Variants in IQANK1 observed in about 807,000 individuals in gnomAD.
IQANK1 encodes the protein IQ motif and ankyrin repeat containing 1.
IQANK1 carries 30 observed loss-of-function variants against 22.6 expected under a neutral mutation model. The observed-to-expected ratio is 1.33, with a 90% CI of 0.99 to 1.80. IQANK1 has a LOEUF of 1.80. Among genes scored for constraint, IQANK1 ranks in the 40% most tolerant of loss-of-function variants. The pLI, the probability that IQANK1 is intolerant of heterozygous loss-of-function variation, is 0.00. For synonymous variants in IQANK1, 122 were observed against 99.6 expected (o/e 1.23, Z -1.34); for missense variants, 275 against 235.2 (o/e 1.17, Z -1.11).
chr8:143,740,003 G>A (rs1554626255), intron 3 of IQANK1, 55 bp downstream of exon 3: 1 of 654,614 alleles, frequency 1.5e-6, no homozygotes, highest in African/African-American at 1.8e-5. Flanking sequence ...CTGTTGGCAG[G>A]GGGGTGCCCT....
At chr8:143,741,003 C>T (rs1488621376) in intron 3 of IQANK1, among the ~76,000 whole-genome samples, 1 of 152,194 alleles carries the variant, frequency 6.6e-6, no homozygotes, top group African/African-American at 2.4e-5. Flanking sequence ...CTCTAGGGAA[C>T]TCTGGGGAGG....
rs7830882 is a variant in IQANK1, at chr8:143,772,183, A to G, written c.603A>G (p.Ala201=). 0.024 allele frequency: 9,320 copies of G among 393,686 alleles called. 582 individuals carry two copies. Among genetic ancestry groups the G allele is most frequent in the African/African-American group, 0.15 (7,403 of 48,392 alleles). The allele number at this position is 393,686 out of a possible 1,614,324, so 24.4% of individuals were successfully genotyped here. The change falls in exon 6 of 14, where the codon GCA becomes GCG. Residue 201 remains alanine, a synonymous_variant. Coordinates refer to ENST00000527139, the MANE Select transcript of IQANK1 (RefSeq NM_001381874.1). ...YGNTPLSEAA[A]GGQPLAIQLR... ...ACACGCCGCTGTCGGAGGCGGCCGC[A>G]GGCGGGCAGCCCCTGGCCATCCAGC...
chr8:143,783,566 A>C (rs376660385), intron 7 of IQANK1, among the ~76,000 whole-genome samples: 1 of 152,094 alleles, frequency 6.6e-6, no homozygotes, highest in East Asian at 1.9e-4. Context: ...ATTTGATGGA[A>C]AATTTTGTTT....
chr8:143,786,759 G>A (rs564712217), intron 7 of IQANK1, among the ~76,000 whole-genome samples: 75 of 152,336 alleles, frequency 4.9e-4, no homozygotes, highest in African/African-American at 1.8e-3. Context: ...AGGTGGCCAA[G>A]GTGGGGTTTG....
intron 1 of IQANK1, among the ~76,000 whole-genome samples, chr8:143,734,779 C>T (rs1162191707): frequency 6.6e-6 from 1 of 152,026 alleles, no homozygotes; most frequent in Non-Finnish European, 1.5e-5. Context: ...AAAACCAAGC[C>T]CCAACGGACA....
rs577698267 is a variant in IQANK1 at position 143,789,985 on chromosome 8, C to A, written c.1210C>A (p.Pro404Thr). ...EQTQEGEEEA[P>T]GLKCQVTELH... ...TACCCCGACAGGGGAGGAAGAGGCGCCTGGGCTGAAGTGCCAGGTCACCGA... is the reference window on the plus strand; with the variant it reads ...TACCCCGACAGGGGAGGAAGAGGCGACTGGGCTGAAGTGCCAGGTCACCGA... Residue 404 changes from proline (P) to threonine (T), a missense_variant, in exon 12 of 14, where the codon CCT (proline) becomes ACT (threonine). Coordinates refer to ENST00000527139, the MANE Select transcript of IQANK1 (RefSeq NM_001381874.1). 3.3e-4 allele frequency: 407 copies of A among 1,232,044 alleles called. 3 individuals carry two copies. The East Asian group carries it at 0.012, about 36-fold the overall frequency. 76.3% of individuals were successfully genotyped at this position (1,232,044 alleles called of 1,614,324 possible).
At chr8:143,786,443 T>C (rs1819891186) in intron 7 of IQANK1, among the ~76,000 whole-genome samples, 1 of 152,244 alleles carries the variant, frequency 6.6e-6, no homozygotes, top group African/African-American at 2.4e-5. Flanking sequence ...TTTACAAATA[T>C]AGACAGAATC....
intron 3 of IQANK1, among the ~76,000 whole-genome samples, chr8:143,749,249 G>A (rs1445087014): frequency 7.7e-5 from 9 of 116,990 alleles, no homozygotes; most frequent in East Asian, 2.4e-4. Flanking sequence ...TATCATATAT[G>A]TTATATATGA....
At chr8:143,787,193 C>T (rs1819906032) in intron 7 of IQANK1, among the ~76,000 whole-genome samples, 1 of 152,094 alleles carries the variant, frequency 6.6e-6, no homozygotes, top group African/African-American at 2.4e-5. Flanking sequence ...GTCTAAATGT[C>T]TAGAAGTATG....
chr8:143,753,535 C>A (rs1052432368), intron 3 of IQANK1, among the ~76,000 whole-genome samples: 3 of 149,604 alleles, frequency 2.0e-5, no homozygotes, highest in Non-Finnish European at 4.4e-5. Context: ...CTCACTGCAA[C>A]CTCTGCCTCC....
chr8:143,775,353 C>CAG (rs1554630260), intron 7 of IQANK1, among the ~76,000 whole-genome samples: 1 of 138,940 alleles, frequency 7.2e-6, no homozygotes, highest in Non-Finnish European at 1.5e-5. Flanking sequence ...CACACACACA[C>CAG]AGACACACAC....
Position 143,790,003 on chromosome 8 carries a change from G to C in IQANK1, c.1228G>C (p.Val410Leu). 8.1e-7 allele frequency: 1 copy of C among 1,232,092 alleles called. No individual in the cohort carries two copies. Among genetic ancestry groups the C allele is most frequent in the Non-Finnish European group, 1.0e-6 (1 of 988,020 alleles). The allele number at this position is 1,232,092 out of a possible 1,614,324, so 76.3% of individuals were successfully genotyped here. The part of the protein sequence containing the change: ...EEEAPGLKCQ[V>L]TELHDVLMKD... Reference sequence around the variant, plus strand: ...AGAGGCGCCTGGGCTGAAGTGCCAGGTCACCGAGCTGCACGATGTGCTGAT... The same window carrying C: ...AGAGGCGCCTGGGCTGAAGTGCCAGCTCACCGAGCTGCACGATGTGCTGAT... The change falls in exon 12 of 14, where the codon GTC becomes CTC. Residue 410 changes from valine (V) to leucine (L), a missense_variant. Coordinates refer to ENST00000527139, the MANE Select transcript of IQANK1 (RefSeq NM_001381874.1).
At chr8:143,743,902 T>C in intron 3 of IQANK1, 1 of 423,244 alleles carries the variant, frequency 2.4e-6, no homozygotes, top group Non-Finnish European at 4.7e-6. Context: ...CACTGGGGCT[T>C]GGCTCACTGC....
intron 7 of IQANK1, among the ~76,000 whole-genome samples, chr8:143,786,696 A>G (rs1819895402): frequency 6.6e-6 from 1 of 152,182 alleles, no homozygotes. Flanking sequence ...CTCACAGTGC[A>G]GTGGAGATGC....
chr8:143,768,737 T>C (rs1819522785), intron 3 of IQANK1, among the ~76,000 whole-genome samples: 1 of 152,006 alleles, frequency 6.6e-6, no homozygotes, highest in African/African-American at 2.4e-5. Context: ...ATATATTAAA[T>C]TTTTCTGTTG....
intron 7 of IQANK1, among the ~76,000 whole-genome samples, chr8:143,783,550 G>T (rs1306268504): frequency 6.6e-6 from 1 of 152,026 alleles, no homozygotes; most frequent in African/African-American, 2.4e-5. Flanking sequence ...CTCACTTAAT[G>T]TTATAATTTG....
chr8:143,735,809 C>T lies in IQANK1; in HGVS notation c.-4-41C>T. 1 of 701,878 alleles carries T rather than the reference C, an allele frequency of 1.4e-6. No homozygotes were observed. The highest frequency in any genetic ancestry group is 2.6e-6 in the Non-Finnish European group (1 of 384,422). The allele number at this position is 701,878 out of a possible 1,614,324, so 43.5% of individuals were successfully genotyped here. A position where few individuals can be genotyped will look rare whatever the true frequency, so the allele number is the denominator to read the frequency against. ...GCCACTGCCCCTGCCCTCTGCCACT[C>T]TGAGCACCCTCTCCCTGGTCCTTCC... is the stretch of plus-strand genomic sequence containing the variant. On this transcript the variant is annotated intron_variant, in intron 1 of 13. Transcript: ENST00000527139. The surrounding 1 kb of genome is among the most constrained non-coding windows in gnomAD (Gnocchi z 5.2).
chr8:143,741,773 T>C (rs900330086), intron 3 of IQANK1: 4 of 153,798 alleles, frequency 2.6e-5, no homozygotes, highest in African/African-American at 9.6e-5. Context: ...CGCCATCACA[T>C]GGACACGCTA....
intron 2 of IQANK1, among the ~76,000 whole-genome samples, chr8:143,738,209 C>T (rs930295573): frequency 6.6e-6 from 1 of 152,154 alleles, no homozygotes; most frequent in African/African-American, 2.4e-5. Context: ...CCGGGGTTTG[C>T]GAACTCGACT....
Sources: gnomAD v4.1 joint callset for allele counts (sites outside exome capture counted in the v4.1 genomes callset) on GRCh38, gnomAD v4.1.1 for gene constraint, Gnocchi (gnomAD v3.1) non-coding constraint, MANE v1.5 for transcripts, NCBI Gene and HGNC (gene_info 2026-07-23, HGNC 2026-07-21) for gene names.